The following LRRK2 variants were observed in gnomAD, a reference collection of about 807,000 sequenced individuals.
LRRK2 encodes leucine rich repeat kinase 2.
Under a neutral mutation model 302.6 loss-of-function variants are expected in LRRK2, and 203 were observed. That is an observed-to-expected ratio of 0.67 (90% CI 0.60 to 0.75). The LOEUF is 0.75. LRRK2 is among the 30% of genes least tolerant of loss of function. The probability of loss-of-function intolerance (pLI) is 0.00; values close to 1 mark genes in which losing one functional copy is unlikely to be tolerated. For missense variants in LRRK2, 2,830 were observed against 2,951.0 expected, an observed-to-expected ratio of 0.96 and a Z score of 0.95; for synonymous variants, 1,066 against 1,031.9, an observed-to-expected ratio of 1.03 and a Z score of -0.63.
chr12:40,274,992 A>C lies in LRRK2; in HGVS notation c.1940A>C (p.Lys647Thr). ...AAGGATGTTGCTGAAATACAGACTA[A>C]AGTATGTGCATTATCTTGGAAAGAA... ...RFKDVAEIQT[K>T]GFQTILAILK... The change falls in exon 16 of 51, where the codon AAA becomes ACA. Residue 647 changes from lysine (K) to threonine (T), a missense_variant and splice_region_variant. Coordinates refer to ENST00000298910, the MANE Select transcript of LRRK2 (RefSeq NM_198578.4). 1.2e-6 allele frequency: 2 copies of C among 1,613,868 alleles called. No individual in the cohort carries two copies.
intron 5 of LRRK2, 132 bp from the exon 6 acceptor site, chr12:40,240,351 A>G (rs925929519): frequency 1.6e-5 from 13 of 823,600 alleles, no homozygotes; most frequent in Non-Finnish European, 2.3e-5. Flanking sequence ...TGCTTCACAG[A>G]AATATATTTT....
rs772964389 is a variant in LRRK2, at chr12:40,314,090, G to A, written c.4655G>A (p.Arg1552Gln). ...GAATTTCCCGTAATTGACCGGAAAC[G>A]ATTATTACAACTAGTGAGAGAAAAT... ...PIEFPVIDRK[R>Q]LLQLVRENQL... Residue 1552 changes from arginine (R) to glutamine (Q), a missense_variant, in exon 32 of 51, where the codon CGA (arginine) becomes CAA (glutamine). By Grantham distance (43) the Arg-to-Gln change is conservative (BLOSUM62 1). This residue lies in a region of LRRK2 where 2,121 missense variants were observed against 2,148.0 expected (regional missense o/e 0.99). Coordinates refer to ENST00000298910, the MANE Select transcript of LRRK2 (RefSeq NM_198578.4). 2.5e-5 allele frequency: 40 copies of A among 1,612,594 alleles called. No individual in the cohort carries two copies. The highest frequency in any genetic ancestry group is 2.9e-5 in the Non-Finnish European group (34 of 1,179,042).
chr12:40,239,763 C>T (rs1941642605), intron 5 of LRRK2, among the ~76,000 whole-genome samples: 1 of 152,016 alleles, frequency 6.6e-6, no homozygotes, highest in Admixed American at 6.6e-5. Context: ...ACTGATTTCA[C>T]ATTATATTAT....
At chr12:40,262,666 G>T (rs1397726302) in intron 13 of LRRK2, among the ~76,000 whole-genome samples, 1 of 152,132 alleles carries the variant, frequency 6.6e-6, no homozygotes, top group Admixed American at 6.6e-5. Flanking sequence ...ATAGAACAAA[G>T]ACTGGAGAAG....
chr12:40,358,427 A>G (rs1486357656), intron 46 of LRRK2, among the ~76,000 whole-genome samples: 10 of 152,140 alleles, frequency 6.6e-5, no homozygotes, highest in Non-Finnish European at 1.5e-4. Flanking sequence ...AGTGGGGCCT[A>G]CTTTCATCCT....
At chr12:40,352,357 A>G (rs1946378103) in intron 44 of LRRK2, among the ~76,000 whole-genome samples, 1 of 152,116 alleles carries the variant, frequency 6.6e-6, no homozygotes, top group Admixed American at 6.5e-5. Flanking sequence ...GGATCAATAC[A>G]TTGTGTTGGC....
chr12:40,307,169 A>T (rs1944854373), intron 28 of LRRK2, among the ~76,000 whole-genome samples: 1 of 152,032 alleles, frequency 6.6e-6, no homozygotes, highest in South Asian at 2.1e-4. Context: ...TTGAAGAAAG[A>T]CATTTTTTCA....
chr12:40,232,479 A>T, intron 3 of LRRK2, 96 bp downstream of exon 3: 1 of 888,150 alleles, frequency 1.1e-6, no homozygotes. Context: ...ATCCAAGGCT[A>T]CTCCTGTGGA....
At chr12:40,281,669 C>A (rs1017169453) in intron 18 of LRRK2, among the ~76,000 whole-genome samples, 1 of 152,064 alleles carries the variant, frequency 6.6e-6, no homozygotes, top group Non-Finnish European at 1.5e-5. Flanking sequence ...GAAATTAATT[C>A]TTATTTTTGC....
intron 11 of LRRK2, among the ~76,000 whole-genome samples, chr12:40,255,119 G>C (rs1040212920): frequency 6.6e-6 from 1 of 152,190 alleles, no homozygotes; most frequent in Non-Finnish European, 1.5e-5. Flanking sequence ...TGTAGTGTCT[G>C]TAGGCACTTG....
rs1943370878 is a variant in LRRK2 at position 40,274,590 on chromosome 12, G to A, written c.1664G>A (p.Gly555Glu). 6.2e-7 allele frequency: 1 copy of A among 1,613,516 alleles called. No individual in the cohort carries two copies. The highest frequency in any genetic ancestry group is 1.3e-5 in the African/African-American group (1 of 74,900). The change falls in exon 15 of 51, where the codon GGA becomes GAA. Residue 555 changes from glycine to glutamate, a missense_variant. Physicochemically the swap from Gly to Glu is moderately conservative, Grantham distance 98 (BLOSUM62 -2). Transcript: ENST00000298910. ...GTATTCTTTTGATTTTAGTTCATTG[G>A]AAATCCTGGGATTCAGAAATGTGGA... ...LVLAALNRFIGNPGIQKCGLK... is the reference protein window; with the variant it reads ...LVLAALNRFIENPGIQKCGLK...
intron 47 of LRRK2, 142 bp downstream of exon 47, chr12:40,359,586 A>T (rs1463151287): frequency 1.2e-6 from 1 of 831,936 alleles, no homozygotes; most frequent in Non-Finnish European, 1.8e-6. Context: ...TTAAACTTTC[A>T]TTATAAAAAA....
intron 20 of LRRK2, among the ~76,000 whole-genome samples, chr12:40,291,170 A>G (rs1944133991): frequency 6.6e-6 from 1 of 151,900 alleles, no homozygotes; most frequent in African/African-American, 2.4e-5. Context: ...TCAGCAAACT[A>G]TTGCAAGGAC....
In LRRK2 at chr12:40,355,543, T is replaced by TCCTTCCTTCCTTC. The variant is rs552326490; in HGVS notation, c.6771-571_6771-570insCTTCCTTCCTTCC. 6.7e-5 allele frequency among the ~76,000 whole-genome samples: 6 copies of TCCTTCCTTCCTTC among 89,850 alleles called. No individual in the cohort carries two copies. The East Asian group carries it at 2.1e-3, about 31-fold the overall frequency. 58.9% of individuals were successfully genotyped at this position (89,850 alleles called of 152,430 possible). A position where few individuals can be genotyped will look rare whatever the true frequency, so the allele number is the denominator to read the frequency against. On this transcript the variant is annotated intron_variant, in intron 45 of 50. Coordinates refer to ENST00000298910, the MANE Select transcript of LRRK2 (RefSeq NM_198578.4). ...TCCCTCCCTCCCTTCCTTCCTTCCT[T>TCCTTCCTTCCTTC]CTTCTTTTTTTTTTTTTTGAAGGAG...
chr12:40,312,083 T>C (rs549173532), intron 31 of LRRK2, among the ~76,000 whole-genome samples: 1 of 152,248 alleles, frequency 6.6e-6, no homozygotes, highest in South Asian at 2.1e-4. Flanking sequence ...AAAGACTTGT[T>C]GGAGGATGAG....
chr12:40,301,930 G>A (rs575514566), intron 25 of LRRK2, among the ~76,000 whole-genome samples: 1 of 152,168 alleles, frequency 6.6e-6, no homozygotes, highest in South Asian at 2.1e-4. Context: ...TGTAATCCCA[G>A]CACTTTGGGA....
At chr12:40,329,042 G>C (rs867832652) in intron 39 of LRRK2, among the ~76,000 whole-genome samples, 1 of 151,612 alleles carries the variant, frequency 6.6e-6, no homozygotes, top group Non-Finnish European at 1.5e-5. Context: ...TTTAATGCAT[G>C]ATCTCACATT....
intron 23 of LRRK2, among the ~76,000 whole-genome samples, chr12:40,297,385 T>C (rs530684801): frequency 2.0e-5 from 3 of 152,296 alleles, no homozygotes; most frequent in Non-Finnish European, 4.4e-5. Flanking sequence ...TTTGTTTGTT[T>C]GTTATTGTCA....
chr12:40,351,857 A>G (rs1196706465), intron 44 of LRRK2, 124 bp downstream of exon 44: 1 of 959,212 alleles, frequency 1.0e-6, no homozygotes, highest in African/African-American at 1.6e-5. Context: ...CTGTTAGAAC[A>G]AGAGTATTCA....
Sources: allele counts gnomAD v4.1 joint callset (sites outside exome capture counted in the v4.1 genomes callset), GRCh38; gene constraint gnomAD v4.1.1; regional missense constraint gnomAD v4.1.1; transcripts MANE v1.5; gene names NCBI Gene and HGNC (gene_info 2026-07-23, HGNC 2026-07-21).